Variants in NBAS observed in about 807,000 individuals in gnomAD.
NBAS encodes NAG/BC035112 fusion.
NBAS carries 219 observed loss-of-function variants against 302.5 expected under a neutral mutation model. The observed-to-expected ratio is 0.72, with a 90% CI of 0.65 to 0.81. The LOEUF (loss-of-function observed/expected upper bound fraction) is 0.81. Among genes scored for constraint, NBAS ranks in the 30% least tolerant of loss-of-function variants. The probability of loss-of-function intolerance (pLI) is 0.00; values close to 1 mark genes in which losing one functional copy is unlikely to be tolerated. For synonymous variants in NBAS, 1,118 were observed against 1,021.6 expected, an observed-to-expected ratio of 1.09 and a Z score of -1.80; for missense variants, 2,932 against 2,841.6, an observed-to-expected ratio of 1.03 and a Z score of -0.72.
At chr2:15,362,278 T>C (rs181221466) in intron 32 of NBAS, among the ~76,000 whole-genome samples, 219 of 137,630 alleles carry the variant, frequency 1.6e-3, no homozygotes, top group South Asian at 0.01. Context: ...AGGAGTTCAA[T>C]ACCAACCTGG....
the NBAS span, among the ~76,000 whole-genome samples, chr2:15,051,248 G>C: frequency 6.6e-6 from 1 of 152,180 alleles, no homozygotes; most frequent in Non-Finnish European, 1.5e-5. Context: ...ACCCCAACCT[G>C]TCATAACCAC....
Position 15,286,830 on chromosome 2 carries a change from T to C in NBAS, c.5138+243A>G, listed in dbSNP as rs73197014. 0.052 allele frequency among the ~76,000 whole-genome samples: 7,965 copies of C among 152,284 alleles called. 304 individuals are homozygous for C. Among genetic ancestry groups the C allele is most frequent in the African/African-American group, 0.1 (4,314 of 41,528 alleles). On this transcript the variant is annotated intron_variant, in intron 42 of 51. Transcript: ENST00000281513. ...GGATGCCTGTTTTTGCTCATCATTG[T>C]AACCCTAGTGGCTAATACTTAGTCT...
chr2:14,926,681 C>G, the NBAS span, among the ~76,000 whole-genome samples: 1 of 152,174 alleles, frequency 6.6e-6, no homozygotes, highest in Non-Finnish European at 1.5e-5. Context: ...TACATTCACA[C>G]TGTTTTGCAA....
At chr2:15,068,890 G>C in the NBAS span, among the ~76,000 whole-genome samples, 1 of 152,210 alleles carries the variant, frequency 6.6e-6, no homozygotes, top group African/African-American at 2.4e-5. Context: ...TGGAGGCTGA[G>C]AAGTCCAAGG....
chr2:14,990,102 C>G, the NBAS span, among the ~76,000 whole-genome samples: 2 of 151,630 alleles, frequency 1.3e-5, no homozygotes, highest in Non-Finnish European at 2.9e-5. Flanking sequence ...GACCCCATTT[C>G]TCATTGTAAT....
At chr2:15,229,142 G>C (rs777341666) in intron 47 of NBAS, among the ~76,000 whole-genome samples, 3 of 151,730 alleles carry the variant, frequency 2.0e-5, no homozygotes, top group Non-Finnish European at 2.9e-5. Context: ...AGGAGTTCAA[G>C]ATCAGCCTGG....
chr2:15,041,476 T>C, the NBAS span, among the ~76,000 whole-genome samples: 20 of 152,326 alleles, frequency 1.3e-4, no homozygotes, highest in East Asian at 3.3e-3. Flanking sequence ...AGTGGCAGGA[T>C]CCCATTCTGT....
intron 21 of NBAS, among the ~76,000 whole-genome samples, chr2:15,454,814 A>G (rs2890487): frequency 0.6 from 91,674 of 151,672 alleles, 28,684 homozygotes; most frequent in Non-Finnish European, 0.68. Context: ...ACCTTCCATA[A>G]GCAAGGTCTT....
chr2:14,869,173 T>C, the NBAS span, among the ~76,000 whole-genome samples: 1 of 152,188 alleles, frequency 6.6e-6, no homozygotes, highest in Non-Finnish European at 1.5e-5. Flanking sequence ...CAATTTCCTA[T>C]CTTGGTACCT....
chr2:15,238,616 G>C lies in NBAS; in HGVS notation c.5795C>G (p.Pro1932Arg). The C allele has an allele frequency of 6.2e-7, 1 of 1,613,114 alleles. No homozygotes were observed. The highest frequency in any genetic ancestry group is 8.5e-7 in the Non-Finnish European group (1 of 1,179,824). Reference protein sequence around the residue: ...IKTVKHFIEKPRKRNSEDEAQ... With the variant: ...IKTVKHFIEKRRKRNSEDEAQ... ...TTCGTCTTCTGAGTTTCTTTTCCTT[G>C]GCTTCTCAATAAAATGTTTGACTGT... The change falls in exon 45 of 52, where the codon CCA (proline) becomes CGA (arginine). Residue 1932 changes from proline to arginine, a missense_variant. Coordinates refer to ENST00000281513, the MANE Select transcript of NBAS (RefSeq NM_015909.4).
At chr2:14,873,687 C>CA in the NBAS span, among the ~76,000 whole-genome samples, 27,812 of 114,620 alleles carry the variant, frequency 0.24, 4,135 homozygotes, top group African/African-American at 0.46. Context: ...TGATGTTTTC[C>CA]AAAAAAAAAA....
chr2:14,841,928 C>A, the NBAS span, among the ~76,000 whole-genome samples: 4 of 151,876 alleles, frequency 2.6e-5, no homozygotes, highest in African/African-American at 9.7e-5. Flanking sequence ...CCAGAATAGA[C>A]CATATCTTAG....
At chr2:14,815,780 C>T in the NBAS span, among the ~76,000 whole-genome samples, 1 of 152,164 alleles carries the variant, frequency 6.6e-6, no homozygotes, top group Non-Finnish European at 1.5e-5. Context: ...AAATCTAAAA[C>T]TCAATTCCTC....
the NBAS span, among the ~76,000 whole-genome samples, chr2:15,080,131 C>G: frequency 6.6e-6 from 1 of 152,298 alleles, no homozygotes; most frequent in Admixed American, 6.5e-5. Context: ...ACCATGAACA[C>G]CACAGCCATG....
chr2:15,258,463 T>A (rs1668702958), intron 44 of NBAS, among the ~76,000 whole-genome samples: 1 of 152,164 alleles, frequency 6.6e-6, no homozygotes, highest in African/African-American at 2.4e-5. Flanking sequence ...AAGATATCCC[T>A]AAATTCTTCT....
At chr2:14,796,991 G>A in the NBAS span, among the ~76,000 whole-genome samples, 1 of 150,880 alleles carries the variant, frequency 6.6e-6, no homozygotes, top group Non-Finnish European at 1.5e-5. Flanking sequence ...TCTGGAGGCT[G>A]AGGCAGGAGA....
the NBAS span, among the ~76,000 whole-genome samples, chr2:15,008,991 G>T: frequency 6.6e-6 from 1 of 152,092 alleles, no homozygotes; most frequent in South Asian, 2.1e-4. Flanking sequence ...ATTTTCCCAA[G>T]GCCATCTAAC....
intron 13 of NBAS, among the ~76,000 whole-genome samples, chr2:15,477,230 T>A (rs1022515182): frequency 3.9e-5 from 6 of 152,194 alleles, no homozygotes; most frequent in African/African-American, 1.2e-4. Flanking sequence ...ATAATATTAA[T>A]CAATATTTTT....
In NBAS at chr2:15,167,341, G is replaced by C; in HGVS notation, c.6841-18C>G. 2 of 1,614,010 alleles carry C rather than the reference G, an allele frequency of 1.2e-6. No individual in the cohort carries two copies. Among genetic ancestry groups the C allele is most frequent in the Non-Finnish European group, 1.7e-6 (2 of 1,179,950 alleles). On this transcript the variant is annotated intron_variant, in intron 51 of 51. Transcript: ENST00000281513. ...TCATTCACCTTCAAGAAATAAGACA[G>C]GCACAGCGTGAGGGGGTGTTTGCTT... is the stretch of plus-strand genomic sequence containing the variant.
Sources: gnomAD v4.1 joint callset for allele counts (sites outside exome capture counted in the v4.1 genomes callset) on GRCh38, gnomAD v4.1.1 for gene constraint, MANE v1.5 for transcripts, NCBI Gene and HGNC (gene_info 2026-07-23, HGNC 2026-07-21) for gene names.